Variants in PTPRT observed in about 807,000 individuals in gnomAD.
The protein encoded by PTPRT is receptor-type tyrosine-protein phosphatase T.
A neutral mutation model predicts 176.8 loss-of-function variants in PTPRT; 56 were observed. That is an observed-to-expected ratio of 0.32 (90% CI 0.26 to 0.40). The LOEUF (loss-of-function observed/expected upper bound fraction) is 0.40. PTPRT is among the 10% of genes least tolerant of loss of function. The pLI is 1.00. For synonymous variants in PTPRT, 783 were observed against 739.0 expected (o/e 1.06, Z -0.96); for missense variants, 1,540 against 1,908.2 (o/e 0.81, Z 3.60).
chr20:42,924,242 TA>T (rs149002534), intron 1 of PTPRT, among the ~76,000 whole-genome samples: 26 of 150,906 alleles, frequency 1.7e-4, no homozygotes, highest in Non-Finnish European at 2.2e-4. Flanking sequence ...CCCTTCCATT[TA>T]AAAAAAAAAT....
chr20:42,993,417 CAAA>C, intron 1 of PTPRT, among the ~76,000 whole-genome samples: 1 of 78,292 alleles, frequency 1.3e-5, no homozygotes, highest in South Asian at 3.4e-4. Flanking sequence ...GACTCTGTCT[CAAA>C]AAAAAAAAAA....
intron 1 of PTPRT, among the ~76,000 whole-genome samples, chr20:42,927,070 G>C (rs1419195740): frequency 6.6e-6 from 1 of 152,210 alleles, no homozygotes; most frequent in Non-Finnish European, 1.5e-5. Flanking sequence ...GGTTGCTCTT[G>C]ATGTGACTTT....
At chr20:42,108,806 G>GTAA (rs1187061132) in intron 23 of PTPRT, among the ~76,000 whole-genome samples, 14 of 152,160 alleles carry the variant, frequency 9.2e-5, no homozygotes, top group Non-Finnish European at 1.5e-5. Context: ...AACCCATTTG[G>GTAA]TAATAATTTT....
At chr20:42,601,234 C>T (rs2073776130) in intron 7 of PTPRT, among the ~76,000 whole-genome samples, 1 of 152,156 alleles carries the variant, frequency 6.6e-6, no homozygotes, top group Non-Finnish European at 1.5e-5. Flanking sequence ...TTGAGGGTCA[C>T]CTTTGGCTCT....
intron 16 of PTPRT, among the ~76,000 whole-genome samples, chr20:42,167,163 C>A (rs1989864853): frequency 2.0e-5 from 3 of 152,124 alleles, no homozygotes; most frequent in African/African-American, 4.8e-5. Context: ...ATCCAGGAAG[C>A]AGTAAAAACC....
Position 42,973,530 on chromosome 20 carries a change from G to A in PTPRT, c.89-87598C>T, listed in dbSNP as rs139420051. Among the ~76,000 whole-genome samples, 25 of 152,108 alleles carry A rather than the reference G, an allele frequency of 1.6e-4. No individual in the cohort carries two copies. The East Asian group carries it at 4.8e-3, about 29-fold the overall frequency. On this transcript the variant is annotated intron_variant, in intron 1 of 30. Coordinates refer to ENST00000373187, the MANE Select transcript of PTPRT (RefSeq NM_007050.6). ...AGATTATCTGCAATTATTTAATCAC[G>A]AATGCATTGCCTCTCTCTTCTCCAA...
At chr20:42,135,799 G>T (rs769571134) in intron 18 of PTPRT, among the ~76,000 whole-genome samples, 5 of 152,114 alleles carry the variant, frequency 3.3e-5, no homozygotes, top group African/African-American at 7.2e-5. Flanking sequence ...AGAAATTCAA[G>T]GCTCCAAAAA....
chr20:42,515,689 C>G (rs530816772), intron 7 of PTPRT, among the ~76,000 whole-genome samples: 1 of 152,126 alleles, frequency 6.6e-6, no homozygotes, highest in Non-Finnish European at 1.5e-5. Context: ...AATTTTCAAA[C>G]AGCGTGGTCC....
chr20:42,062,083 GCAGGTA>G, the PTPRT span, among the ~76,000 whole-genome samples: 4 of 152,152 alleles, frequency 2.6e-5, no homozygotes, highest in Admixed American at 6.5e-5. Context: ...ACAGGTATCC[GCAGGTA>G]GGGTACACTA....
At chr20:42,086,482 C>T (rs1167273233) in intron 27 of PTPRT, among the ~76,000 whole-genome samples, 2 of 151,818 alleles carry the variant, frequency 1.3e-5, no homozygotes, top group Non-Finnish European at 2.9e-5. Flanking sequence ...TAATATCTAC[C>T]TCTAAGCCCC....
intron 7 of PTPRT, among the ~76,000 whole-genome samples, chr20:42,616,303 G>A (rs1263848686): frequency 1.6e-5 from 2 of 122,560 alleles, no homozygotes; most frequent in East Asian, 4.1e-4. Context: ...CTATATCTCT[G>A]TTTTGGTACC....
chr20:42,254,614 G>A (rs2056606012), intron 13 of PTPRT, among the ~76,000 whole-genome samples: 1 of 152,126 alleles, frequency 6.6e-6, no homozygotes, highest in Non-Finnish European at 1.5e-5. Flanking sequence ...CTGTATCACT[G>A]GGTAGAAGTG....
intron 2 of PTPRT, among the ~76,000 whole-genome samples, chr20:42,810,854 G>T (rs539639759): frequency 6.6e-6 from 1 of 152,102 alleles, no homozygotes. Context: ...CGTCCAACCC[G>T]CCCCAGGTCT....
At chr20:42,660,685 G>T (rs1299645340) in intron 7 of PTPRT, among the ~76,000 whole-genome samples, 1 of 152,208 alleles carries the variant, frequency 6.6e-6, no homozygotes, top group South Asian at 2.1e-4. Flanking sequence ...ATCCCTCCAG[G>T]TGCCATCCAT....
chr20:42,431,138 CTT>C, intron 9 of PTPRT, among the ~76,000 whole-genome samples: 1 of 152,252 alleles, frequency 6.6e-6, no homozygotes, highest in East Asian at 1.9e-4. Flanking sequence ...ATTTTGAATT[CTT>C]ATAATATTCC....
At chr20:42,654,098 A>G (rs922423621) in intron 7 of PTPRT, among the ~76,000 whole-genome samples, 1 of 152,136 alleles carries the variant, frequency 6.6e-6, no homozygotes. Flanking sequence ...ATGGCAGGAA[A>G]GGTAGTGACA....
intron 8 of PTPRT, among the ~76,000 whole-genome samples, chr20:42,458,353 G>C (rs1270652215): frequency 4.6e-5 from 7 of 152,172 alleles, no homozygotes; most frequent in Non-Finnish European, 8.8e-5. Flanking sequence ...AAGCCACACT[G>C]CCTGGGTTTA....
intron 7 of PTPRT, among the ~76,000 whole-genome samples, chr20:42,547,306 T>G (rs2072692937): frequency 6.6e-6 from 1 of 152,120 alleles, no homozygotes; most frequent in South Asian, 2.1e-4. Flanking sequence ...AATACTAAAA[T>G]TATTTTCTAT....
chr20:42,183,111 T>C (rs1990593057), intron 16 of PTPRT, among the ~76,000 whole-genome samples: 2 of 152,164 alleles, frequency 1.3e-5, no homozygotes, highest in African/African-American at 4.8e-5. Flanking sequence ...CCTTCCTTTC[T>C]ACTTCTTAAA....
Sources: gnomAD v4.1 joint callset for allele counts (sites outside exome capture counted in the v4.1 genomes callset) on GRCh38, gnomAD v4.1.1 for gene constraint, MANE v1.5 for transcripts, NCBI Gene and HGNC (gene_info 2026-07-23, HGNC 2026-07-21) for gene names.